GRAMD1C: variants seen among roughly 807,000 people sequenced by gnomAD.
GRAMD1C encodes the protein protein Aster-C.
GRAMD1C carries 89 observed loss-of-function variants against 97.8 expected under a neutral mutation model. The ratio of observed to expected loss-of-function variants is 0.91; its 90% CI spans 0.77 to 1.09. The LOEUF (loss-of-function observed/expected upper bound fraction) is 1.09. Among genes scored for constraint, GRAMD1C ranks in the 50% least tolerant of loss-of-function variants. The pLI is 0.00. For missense variants in GRAMD1C, 740 were observed against 766.4 expected (o/e 0.97, Z 0.41); for synonymous variants, 256 against 267.0 (o/e 0.96, Z 0.40).
In GRAMD1C at chr3:113,844,535, C is replaced by T. The variant is rs766090096; in HGVS notation, c.60C>T (p.Thr20=). The part of the protein sequence containing the change: ...VMNEGDSSLA[T]DLQEDVEENP... ...ATGAAGGGGATTCAAGCCTTGCCAC[C>T]GACTTACAGGAAGATGTAGAGGAAA... Residue 20 remains threonine (T), a synonymous_variant, in exon 2 of 18, where the codon ACC becomes ACT. Transcript: ENST00000358160. 17 of 1,603,628 alleles carry T rather than the reference C, an allele frequency of 1.1e-5. No individual in the cohort carries two copies. Among genetic ancestry groups the T allele is most frequent in the Middle Eastern group, 1.7e-4 (1 of 6,050 alleles).
chr3:113,874,979 T>A (rs1934969911), intron 3 of GRAMD1C, among the ~76,000 whole-genome samples: 2 of 152,232 alleles, frequency 1.3e-5, no homozygotes, highest in South Asian at 4.1e-4. Context: ...TACCATGGCT[T>A]GTGAGACTTT....
intron 17 of GRAMD1C, among the ~76,000 whole-genome samples, 177 bp from the exon 18 acceptor site, chr3:113,945,221 C>CA (rs1938009662): frequency 6.6e-6 from 1 of 152,154 alleles, no homozygotes; most frequent in Non-Finnish European, 1.5e-5. Context: ...AACTCTGTAG[C>CA]AATCATACTG....
intron 10 of GRAMD1C, chr3:113,920,152 A>T (rs1559815696): frequency 7.1e-7 from 1 of 1,413,774 alleles, no homozygotes; most frequent in Non-Finnish European, 9.8e-7. Flanking sequence ...TTCACCAGTG[A>T]TTTGAATCTC....
chr3:113,830,241 T>C (rs1709540021), intron 1 of GRAMD1C, among the ~76,000 whole-genome samples: 1 of 152,160 alleles, frequency 6.6e-6, no homozygotes, highest in Non-Finnish European at 1.5e-5. Context: ...CCAGGCACCA[T>C]GTTGCCTGCC....
At position 113,930,895 on chromosome 3, in the gene GRAMD1C, A is replaced by G. The variant is rs1937394288; in HGVS notation, c.1209+63A>G. 6 of 800,888 alleles carry G rather than the reference A, an allele frequency of 7.5e-6. No homozygotes were observed. In the South Asian group the frequency reaches 7.7e-5, roughly 10 times the overall value. The allele number at this position is 800,888 out of a possible 1,614,324, so 49.6% of individuals were successfully genotyped here. ...TGGGGGAAGAGAGAAGATGCCTATT[A>G]TAGTTCACCAATTTACAAGACAGTT... On this transcript the variant is annotated intron_variant, in intron 11 of 17. Transcript: ENST00000358160.
At chr3:113,847,420 T>C (rs1292871984) in intron 2 of GRAMD1C, among the ~76,000 whole-genome samples, 1 of 152,244 alleles carries the variant, frequency 6.6e-6, no homozygotes, top group African/African-American at 2.4e-5. Flanking sequence ...CCTCAAAGTA[T>C]GGCATGTGCA....
intron 7 of GRAMD1C, among the ~76,000 whole-genome samples, chr3:113,902,594 G>T (rs1050648660): frequency 2.0e-5 from 3 of 152,112 alleles, no homozygotes; most frequent in Admixed American, 6.5e-5. Flanking sequence ...AGTCTTTGAG[G>T]AAAGAAAGAA....
chr3:113,900,407 C>A (rs1391944567), intron 6 of GRAMD1C, among the ~76,000 whole-genome samples: 8 of 90,474 alleles, frequency 8.8e-5, no homozygotes, highest in African/African-American at 3.6e-4. Flanking sequence ...AAAGTATGAA[C>A]AAATTATTAT....
chr3:113,909,987 A>G (rs1430379145), intron 9 of GRAMD1C, among the ~76,000 whole-genome samples: 3 of 152,224 alleles, frequency 2.0e-5, no homozygotes, highest in Non-Finnish European at 4.4e-5. Flanking sequence ...GTCAATTTCC[A>G]TTTAATTTTA....
At chr3:113,909,235 T>C in intron 9 of GRAMD1C, 115 bp downstream of exon 9, 1 of 448,390 alleles carries the variant, frequency 2.2e-6, no homozygotes, top group Non-Finnish European at 3.8e-6. Context: ...TCTCACCCTA[T>C]AAAGAAACAA....
intron 6 of GRAMD1C, among the ~76,000 whole-genome samples, chr3:113,887,078 C>A (rs1160418631): frequency 8.1e-6 from 1 of 122,760 alleles, no homozygotes; most frequent in Admixed American, 8.8e-5. Context: ...CTGCGCCTGG[C>A]CTTTTTGTTT....
intron 2 of GRAMD1C, among the ~76,000 whole-genome samples, chr3:113,847,547 T>G (rs1933666429): frequency 1.3e-5 from 2 of 152,202 alleles, no homozygotes; most frequent in Admixed American, 6.5e-5. Context: ...AATAATTCAT[T>G]TTTTCTCTGC....
chr3:113,926,024 G>T (rs866362942), intron 10 of GRAMD1C, among the ~76,000 whole-genome samples: 10 of 152,256 alleles, frequency 6.6e-5, no homozygotes, highest in Middle Eastern at 3.4e-3. Context: ...TGATGACTAA[G>T]TGTCTTGGGG....
At chr3:113,834,958 A>G (rs1464926951), upstream of GRAMD1C, among the ~76,000 whole-genome samples, 1 of 142,024 alleles carries the variant, frequency 7.0e-6, no homozygotes, top group Non-Finnish European at 1.5e-5. Context: ...AAAAAAAAAG[A>G]CACTGATATT....
intron 6 of GRAMD1C, among the ~76,000 whole-genome samples, chr3:113,886,804 A>G (rs1336326447): frequency 7.4e-5 from 7 of 94,050 alleles, no homozygotes; most frequent in African/African-American, 2.9e-4. Flanking sequence ...TTTTTTTGAG[A>G]TGGAGTCTCA....
Position 113,850,825 on chromosome 3 carries a change from G to A in GRAMD1C, c.174+6176G>A, listed in dbSNP as rs978993251. On this transcript the variant is annotated intron_variant, in intron 2 of 17. Transcript: ENST00000358160. The stretch of plus-strand genomic sequence containing the variant: ...TTTTAATTTTTATTTTTTTTGAGAT[G>A]GAGTATTGCTCTGTCACCCAGGCAG... 6 of 514,954 alleles carry A rather than the reference G, an allele frequency of 1.2e-5. No homozygotes were observed. In the African/African-American group the frequency reaches 1.2e-4, roughly 10 times the overall value. The allele number at this position is 514,954 out of a possible 1,614,324, so 31.9% of individuals were successfully genotyped here.
chr3:113,835,156 A>T (rs570976157), upstream of GRAMD1C, among the ~76,000 whole-genome samples: 1 of 152,118 alleles, frequency 6.6e-6, no homozygotes, highest in Non-Finnish European at 1.5e-5. Flanking sequence ...TTTACATATT[A>T]GTGTGATCTC....
chr3:113,936,545 TTCCC>T, intron 14 of GRAMD1C, 103 bp downstream of exon 14: 2 of 670,672 alleles, frequency 3.0e-6, no homozygotes. Context: ...TCTCCTTTTC[TTCCC>T]TCCTTTTTGG....
chr3:113,872,391 CTTTTT>C (rs777339692), intron 3 of GRAMD1C, among the ~76,000 whole-genome samples: 1 of 117,440 alleles, frequency 8.5e-6, no homozygotes, highest in Non-Finnish European at 1.7e-5. Context: ...TCTTTTTTTT[CTTTTT>C]TTTTTTTTTT....
Sources: allele counts gnomAD v4.1 joint callset (sites outside exome capture counted in the v4.1 genomes callset), GRCh38; gene constraint gnomAD v4.1.1; transcripts MANE v1.5; gene names NCBI Gene and HGNC (gene_info 2026-07-23, HGNC 2026-07-21).